PSMD7: variants seen among roughly 807,000 people sequenced by gnomAD.
PSMD7 encodes proteasome 26S subunit, non-ATPase 7, also known as 26S proteasome non-ATPase regulatory subunit 7.
A neutral mutation model predicts 36.4 loss-of-function variants in PSMD7; 13 were observed. The ratio of observed to expected loss-of-function variants is 0.36; its 90% CI spans 0.23 to 0.57. The LOEUF (loss-of-function observed/expected upper bound fraction) is 0.57. Ranked by LOEUF, PSMD7 falls within the 20% of genes least tolerant of loss-of-function variation. PSMD7 has a pLI of 0.83. For synonymous variants in PSMD7, 186 were observed against 151.0 expected, an observed-to-expected ratio of 1.23 and a Z score of -1.70; for missense variants, 298 against 393.6, an observed-to-expected ratio of 0.76 and a Z score of 2.06.
rs575328964 is a variant in PSMD7, at chr16:74,302,271, T to G, written c.417T>G (p.Ile139Met). 6.2e-7 allele frequency: 1 copy of G among 1,614,038 alleles called. No individual in the cohort carries two copies. Among genetic ancestry groups the G allele is most frequent in the South Asian group, 1.1e-5 (1 of 91,050 alleles). ...TAGGGCTGCCTACAGAAGCGTACAT[T>G]TCAGTGGAAGAAGTCCATGATGTAA... ...KDLGLPTEAY[I>M]SVEEVHDDGT... Residue 139 changes from isoleucine to methionine, a missense_variant, in exon 5 of 7, where the codon ATT (isoleucine) becomes ATG (methionine). Transcript: ENST00000219313.
At chr16:74,302,640 G>A (rs2034164426) in intron 5 of PSMD7, among the ~76,000 whole-genome samples, 1 of 152,124 alleles carries the variant, frequency 6.6e-6, no homozygotes, top group Non-Finnish European at 1.5e-5. Flanking sequence ...CTACTCAGGA[G>A]GCTGAGACGG....
At chr16:74,303,646 G>A (rs1259797788) in intron 5 of PSMD7, among the ~76,000 whole-genome samples, 2 of 152,102 alleles carry the variant, frequency 1.3e-5, no homozygotes, top group Non-Finnish European at 2.9e-5. Flanking sequence ...AGACAAAAAA[G>A]GGCTAAAAGT....
Position 74,301,167 on chromosome 16 carries a change from G to T in PSMD7, c.259+23G>T, listed in dbSNP as rs775116853. ...ATGGTATGTCTTGATGTTCTAAGGTGTTACAGCATAGAATTGAACTGTGTG... is the reference window on the plus strand; with the variant it reads ...ATGGTATGTCTTGATGTTCTAAGGTTTTACAGCATAGAATTGAACTGTGTG... On this transcript the variant is annotated intron_variant, in intron 3 of 6. Coordinates refer to ENST00000219313, the MANE Select transcript of PSMD7 (RefSeq NM_002811.5). 3.3e-6 allele frequency: 5 copies of T among 1,526,436 alleles called. No individual in the cohort carries two copies. The Admixed American group carries it at 8.5e-5, about 26-fold the overall frequency. The allele number at this position is 1,526,436 out of a possible 1,614,324, so 94.6% of individuals were successfully genotyped here.
chr16:74,301,763 C>A, intron 4 of PSMD7, 111 bp downstream of exon 4: 1 of 802,214 alleles, frequency 1.2e-6, no homozygotes, highest in Non-Finnish European at 2.1e-6. Flanking sequence ...GCTTTATCTC[C>A]ATAAACTTCT....
chr16:74,302,370 G>C (rs1027944735), intron 5 of PSMD7, 78 bp downstream of exon 5: 3 of 1,179,880 alleles, frequency 2.5e-6, no homozygotes, highest in Admixed American at 2.1e-5. Flanking sequence ...CAATTTTCAG[G>C]TCAACAAATC....
chr16:74,300,300 C>A (rs2034145916), intron 2 of PSMD7, 94 bp downstream of exon 2: 1 of 1,120,628 alleles, frequency 8.9e-7, no homozygotes, highest in Non-Finnish European at 1.3e-6. Flanking sequence ...TGACTACAAC[C>A]CAGAGATTGT....
chr16:74,301,115 A>G lies in PSMD7; in HGVS notation c.230A>G (p.Asn77Ser), dbSNP rs1333765656. 1 of 1,611,388 alleles carries G rather than the reference A, an allele frequency of 6.2e-7. No homozygotes were observed. The highest frequency in any genetic ancestry group is 8.5e-7 in the Non-Finnish European group (1 of 1,178,050). The change falls in exon 3 of 7, where the codon AAC becomes AGC. Residue 77 changes from asparagine to serine, a missense_variant. Transcript: ENST00000219313. ...TTTTTAGACCATGATTATTTGGAAAACATGTATGGAATGTTTAAGAAAGTC... is the reference window on the plus strand; with the variant it reads ...TTTTTAGACCATGATTATTTGGAAAGCATGTATGGAATGTTTAAGAAAGTC... ...VWFLDHDYLE[N>S]MYGMFKKVNA...
At position 74,301,020 on chromosome 16, in the gene PSMD7, C is replaced by T. The variant is rs1441355492; in HGVS notation, c.167-32C>T. 4 of 1,370,406 alleles carry T rather than the reference C, an allele frequency of 2.9e-6. No individual in the cohort carries two copies. The Admixed American group carries it at 5.2e-5, about 18-fold the overall frequency. 84.9% of individuals were successfully genotyped at this position (1,370,406 alleles called of 1,614,324 possible). On this transcript the variant is annotated intron_variant, in intron 2 of 6. Coordinates refer to ENST00000219313, the MANE Select transcript of PSMD7 (RefSeq NM_002811.5). ...ACCTGTGTTCTAGGTTTCTATCAAGCACCCTAAACTAACTTTTTTTTTCCT... is the reference window on the plus strand; with the variant it reads ...ACCTGTGTTCTAGGTTTCTATCAAGTACCCTAAACTAACTTTTTTTTTCCT...
At position 74,296,830 on chromosome 16, in the gene PSMD7, G is replaced by T; in HGVS notation, c.-85G>T. Reference sequence around the variant, plus strand: ...TGACGAACCGGAAGAAGAGGAACTGGGCCTGAAAGGGTACCGGTGACCGCT... The same window carrying T: ...TGACGAACCGGAAGAAGAGGAACTGTGCCTGAAAGGGTACCGGTGACCGCT... On this transcript the variant is annotated 5_prime_UTR_variant, in exon 1 of 7. Coordinates refer to ENST00000219313, the MANE Select transcript of PSMD7 (RefSeq NM_002811.5). 1 of 1,426,356 alleles carries T rather than the reference G, an allele frequency of 7.0e-7. No individual in the cohort carries two copies. Among genetic ancestry groups the T allele is most frequent in the Non-Finnish European group, 9.8e-7 (1 of 1,024,044 alleles). 88.4% of individuals were successfully genotyped at this position (1,426,356 alleles called of 1,614,324 possible).
intron 1 of PSMD7, among the ~76,000 whole-genome samples, chr16:74,297,767 T>G (rs1450802853): frequency 6.8e-6 from 1 of 146,494 alleles, no homozygotes; most frequent in African/African-American, 2.5e-5. Context: ...GATGCCGGAG[T>G]GGGGCTAAGG....
At chr16:74,302,657 T>C (rs937163277) in intron 5 of PSMD7, among the ~76,000 whole-genome samples, 2 of 152,134 alleles carry the variant, frequency 1.3e-5, no homozygotes, top group African/African-American at 4.8e-5. Context: ...ACGGGAATAT[T>C]GTTTGAGCCC....
intron 1 of PSMD7, chr16:74,299,767 A>T: frequency 2.8e-6 from 1 of 359,388 alleles, no homozygotes; most frequent in Non-Finnish European, 5.3e-6. Context: ...CTGCAAAGAA[A>T]AAGTAAAGTT....
At chr16:74,297,045 C>T (rs577560947) in intron 1 of PSMD7, 57 bp downstream of exon 1, 2 of 1,568,106 alleles carry the variant, frequency 1.3e-6, no homozygotes, top group Non-Finnish European at 1.7e-6. Flanking sequence ...GTCACGGGCA[C>T]GCTGGAGATG....
rs1455952477 is a variant in PSMD7 at position 74,300,180 on chromosome 16, T to G, written c.140T>G (p.Val47Gly). Residue 47 changes from valine to glycine, a missense_variant, in exon 2 of 7, where the codon GTA becomes GGA. Transcript: ENST00000219313. ...GVLLGSWQKKVLDVSNSFAVP... is the reference protein window; with the variant it reads ...GVLLGSWQKKGLDVSNSFAVP... ...CTTTTGGGGTCATGGCAAAAGAAAGTACTTGATGTATCGAACAGTTTTGCA... is the reference window on the plus strand; with the variant it reads ...CTTTTGGGGTCATGGCAAAAGAAAGGACTTGATGTATCGAACAGTTTTGCA... The G allele has an allele frequency of 2.2e-5, 36 of 1,614,056 alleles. No individual in the cohort carries two copies. The highest frequency in any genetic ancestry group is 3.0e-5 in the Non-Finnish European group (35 of 1,180,008).
At chr16:74,301,410 T>G in intron 3 of PSMD7, 145 bp from the exon 4 acceptor site, 1 of 647,258 alleles carries the variant, frequency 1.5e-6, no homozygotes, top group Non-Finnish European at 2.6e-6. Flanking sequence ...CAGTCTTCCA[T>G]TAGAGTTTTA....
chr16:74,305,105 C>A (rs1449146980), intron 6 of PSMD7, 184 bp from the exon 7 acceptor site: 3 of 759,166 alleles, frequency 4.0e-6, no homozygotes, highest in Non-Finnish European at 5.9e-6. Context: ...AAAATGTGTT[C>A]CAAATGATAA....
chr16:74,300,123 A>G lies in PSMD7; in HGVS notation c.83A>G (p.Lys28Arg). Residue 28 changes from lysine to arginine, a missense_variant, in exon 2 of 7, where the codon AAG (lysine) becomes AGG (arginine). Transcript: ENST00000219313. Reference sequence around the variant, plus strand: ...TCTGTTTTCTCATTCAGAATCGGCAAGGTTGGAAACCAGAAGCGTGTTGTT... The same window carrying G: ...TCTGTTTTCTCATTCAGAATCGGCAGGGTTGGAAACCAGAAGCGTGTTGTT... ...SVVDHFNRIG[K>R]VGNQKRVVGV... 2 of 1,614,184 alleles carry G rather than the reference A, an allele frequency of 1.2e-6. No individual in the cohort carries two copies. The highest frequency in any genetic ancestry group is 1.1e-5 in the South Asian group (1 of 91,084).
chr16:74,304,588 A>G, intron 6 of PSMD7, 194 bp downstream of exon 6: 1 of 502,612 alleles, frequency 2.0e-6, no homozygotes. Context: ...TGTTTGAACT[A>G]CATCAACTGT....
chr16:74,304,158 C>A (rs2034177355), intron 5 of PSMD7, 145 bp from the exon 6 acceptor site: 2 of 667,344 alleles, frequency 3.0e-6, no homozygotes, highest in South Asian at 1.8e-5. Context: ...TCAAAGTAAG[C>A]CTTACCCACC....
Sources: gnomAD v4.1 joint callset for allele counts (sites outside exome capture counted in the v4.1 genomes callset) on GRCh38, gnomAD v4.1.1 for gene constraint, MANE v1.5 for transcripts, NCBI Gene and HGNC (gene_info 2026-07-23, HGNC 2026-07-21) for gene names.